The following POM121C variants were observed in gnomAD, a reference collection of about 807,000 sequenced individuals.
POM121C encodes POM121 transmembrane nucleoporin C, also known as nuclear envelope pore membrane protein POM 121C.
A neutral mutation model predicts 66.4 loss-of-function variants in POM121C; 20 were observed. The observed-to-expected ratio is 0.30, with a 90% CI of 0.21 to 0.44. The LOEUF is 0.44. POM121C is among the 20% of genes least tolerant of loss of function. POM121C has a pLI of 1.00. For missense variants in POM121C, 580 were observed against 1,225.7 expected (o/e 0.47, Z 7.87); for synonymous variants, 286 against 528.0 (o/e 0.54, Z 6.28).
At chr7:75,463,557 A>G (rs1427839594) in intron 3 of POM121C, among the ~76,000 whole-genome samples, 1 of 151,402 alleles carries the variant, frequency 6.6e-6, no homozygotes, top group African/African-American at 2.4e-5. Flanking sequence ...GAGACCGCAC[A>G]TGTAAAAGAA....
intron 3 of POM121C, among the ~76,000 whole-genome samples, chr7:75,453,930 T>G (rs141547629): frequency 6.6e-6 from 1 of 152,030 alleles, no homozygotes; most frequent in Non-Finnish European, 1.5e-5. Context: ...GTCTCCCCAT[T>G]TGGGCTGGTT....
intron 13 of POM121C, chr7:75,421,243 T>C: frequency 9.6e-7 from 1 of 1,046,194 alleles, no homozygotes; most frequent in Non-Finnish European, 1.3e-6. Flanking sequence ...CCCAAAATAT[T>C]GGGATTACAA....
Position 75,486,084 on chromosome 7 carries a change from A to C in POM121C, c.-678T>G, listed in dbSNP as rs1792533095. 2 of 382,448 alleles carry C rather than the reference A, an allele frequency of 5.2e-6. No individual in the cohort carries two copies. Among genetic ancestry groups the C allele is most frequent in the South Asian group, 3.7e-5 (2 of 53,360 alleles). 23.7% of individuals were successfully genotyped at this position (382,448 alleles called of 1,614,324 possible). ...TGGGGCTCCCGGCCCCTCTGGCCCC[A>C]GCGCCGCCGGCTCCGGGGTTCACGC... On this transcript the variant is annotated 5_prime_UTR_variant, in exon 1 of 15. Transcript: ENST00000615331.
At chr7:75,437,441 A>G in intron 7 of POM121C, 74 bp downstream of exon 7, 1 of 1,521,628 alleles carries the variant, frequency 6.6e-7, no homozygotes, top group Non-Finnish European at 8.9e-7. Flanking sequence ...TGGCTAAGCT[A>G]CCATGTCTGG....
intron 7 of POM121C, among the ~76,000 whole-genome samples, chr7:75,426,784 T>A (rs1303095948): frequency 6.4e-5 from 3 of 46,788 alleles, no homozygotes; most frequent in Non-Finnish European, 1.1e-4. Context: ...GGTGACAGAG[T>A]GAGACCCTGT....
Position 75,418,901 on chromosome 7 carries a change from G to A in POM121C, c.2867-8C>T, listed in dbSNP as rs373682478. The A allele has an allele frequency of 4.8e-5, 77 of 1,604,330 alleles. 1 individual carries two copies. In the African/African-American group the frequency reaches 9.3e-4, roughly 19 times the overall value. ...ATGAAGGGGCCGCCGATCCTGGAAA[G>A]ATTCAACAAGACCTCATCAGGGCAG... On this transcript the variant is annotated splice_region_variant and splice_polypyrimidine_tract_variant and intron_variant, in intron 14 of 14. Transcript: ENST00000615331.
chr7:75,448,544 A>AT (rs1410185992), intron 3 of POM121C, among the ~76,000 whole-genome samples: 1 of 140,686 alleles, frequency 7.1e-6, no homozygotes, highest in Non-Finnish European at 1.5e-5. Flanking sequence ...GTTCACACCT[A>AT]TAATCCCAGC....
intron 7 of POM121C, among the ~76,000 whole-genome samples, chr7:75,429,771 G>C (rs1554472131): frequency 2.6e-5 from 4 of 152,198 alleles, no homozygotes. Flanking sequence ...CCAGCACTCA[G>C]AGAGGCCAAG....
Position 75,474,569 on chromosome 7 carries a change from G to A in POM121C, c.-152+135C>T, listed in dbSNP as rs587743980. ...AAAATAAACAAAAGAGTTCATGTAT[G>A]TGTGCGGGAAGGAAAGTGATATTTG... On this transcript the variant is annotated intron_variant, in intron 3 of 14. Transcript: ENST00000615331. The A allele has an allele frequency of 6.9e-4, 305 of 442,882 alleles. 1 individual carries two copies. The highest frequency in any genetic ancestry group is 1.2e-3 in the Non-Finnish European group (273 of 235,874). 27.4% of individuals were successfully genotyped at this position (442,882 alleles called of 1,614,324 possible). A position where few individuals can be genotyped will look rare whatever the true frequency, so the allele number is the denominator to read the frequency against.
At chr7:75,484,297 C>T (rs587746624) in intron 1 of POM121C, 616 of 1,096,610 alleles carry the variant, frequency 5.6e-4, no homozygotes, top group Admixed American at 4.5e-3. Context: ...ATGAGGGCTC[C>T]GGCCTGCAAA....
chr7:75,434,626 A>G (rs1771303920), intron 7 of POM121C, among the ~76,000 whole-genome samples: 1 of 140,990 alleles, frequency 7.1e-6, no homozygotes, highest in Non-Finnish European at 1.5e-5. Context: ...TATGTTGCCC[A>G]GGCTGGAGTG....
intron 3 of POM121C, among the ~76,000 whole-genome samples, chr7:75,465,691 T>G (rs1487985744): frequency 6.8e-6 from 1 of 147,976 alleles, no homozygotes; most frequent in Non-Finnish European, 1.5e-5. Flanking sequence ...AGGTGGAGGT[T>G]GCAGTGAGCC....
chr7:75,463,909 C>G (rs1206035107), intron 3 of POM121C, among the ~76,000 whole-genome samples: 1 of 151,246 alleles, frequency 6.6e-6, no homozygotes, highest in Non-Finnish European at 1.5e-5. Flanking sequence ...CCAGACTGGT[C>G]CTGAACTTCT....
In POM121C at chr7:75,417,096, A is replaced by G. The variant is rs1789496997; in HGVS notation, c.*1700T>C. 1 of 1,039,584 alleles carries G rather than the reference A, an allele frequency of 9.6e-7. No homozygotes were observed. The highest frequency in any genetic ancestry group is 1.7e-5 in the African/African-American group (1 of 60,336). 64.4% of individuals were successfully genotyped at this position (1,039,584 alleles called of 1,614,324 possible). On this transcript the variant is annotated 3_prime_UTR_variant, in exon 15 of 15. Transcript: ENST00000615331. The stretch of plus-strand genomic sequence containing the variant: ...GGCCCAGGCCCACCCAGACCCTCCA[A>G]TCCTAACAGGTATTTAGGCTTGAGG...
chr7:75,471,508 C>T (rs1554478643), intron 3 of POM121C, among the ~76,000 whole-genome samples: 1 of 151,914 alleles, frequency 6.6e-6, no homozygotes, highest in Non-Finnish European at 1.5e-5. Flanking sequence ...GAGACCTTGA[C>T]TCTTAAAAAA....
intron 1 of POM121C, among the ~76,000 whole-genome samples, chr7:75,477,038 T>C (rs1554479458): frequency 1.3e-5 from 2 of 151,834 alleles, no homozygotes; most frequent in African/African-American, 2.4e-5. Context: ...CACCCTAATA[T>C]GCCATAGTAC....
At chr7:75,434,077 T>C (rs782186762) in intron 7 of POM121C, among the ~76,000 whole-genome samples, 1 of 152,212 alleles carries the variant, frequency 6.6e-6, no homozygotes, top group South Asian at 2.1e-4. Context: ...ACTGCACTTC[T>C]ATTTTACATT....
At chr7:75,434,771 C>A (rs1179731192) in intron 7 of POM121C, among the ~76,000 whole-genome samples, 2 of 151,738 alleles carry the variant, frequency 1.3e-5, no homozygotes, top group Non-Finnish European at 2.9e-5. Context: ...TTAGTAGAGA[C>A]AGGATTTCAC....
At chr7:75,439,880 G>A (rs1790563273) in intron 5 of POM121C, among the ~76,000 whole-genome samples, 1 of 142,098 alleles carries the variant, frequency 7.0e-6, no homozygotes, top group Admixed American at 8.0e-5. Flanking sequence ...AACCACATAA[G>A]GAATTTTTTT....
Sources: allele counts gnomAD v4.1 joint callset (sites outside exome capture counted in the v4.1 genomes callset), GRCh38; gene constraint gnomAD v4.1.1; transcripts MANE v1.5; gene names NCBI Gene and HGNC (gene_info 2026-07-23, HGNC 2026-07-21).